The following BMERB1 variants were observed in gnomAD, a reference collection of about 807,000 sequenced individuals.
BMERB1 encodes the protein bMERB domain-containing protein 1.
Under a neutral mutation model 23.6 loss-of-function variants are expected in BMERB1, and 12 were observed. The ratio of observed to expected loss-of-function variants is 0.51; its 90% CI spans 0.33 to 0.82. BMERB1 has a LOEUF of 0.82. BMERB1 is among the 40% of genes least tolerant of loss of function. The pLI is 0.03. For synonymous variants in BMERB1, 122 were observed against 96.6 expected, an observed-to-expected ratio of 1.26 and a Z score of -1.54; for missense variants, 247 against 255.4, an observed-to-expected ratio of 0.97 and a Z score of 0.22.
At chr16:15,581,141 T>A in intron 3 of BMERB1, 76 bp from the exon 4 acceptor site, 1 of 1,083,510 alleles carries the variant, frequency 9.2e-7, no homozygotes, top group South Asian at 1.5e-5. Flanking sequence ...GGTCTGAAAC[T>A]CCTGACCTCA....
At chr16:15,548,654 G>A (rs2029994035) in intron 2 of BMERB1, among the ~76,000 whole-genome samples, 1 of 152,104 alleles carries the variant, frequency 6.6e-6, no homozygotes, top group Non-Finnish European at 1.5e-5. Context: ...CCTACTTTGG[G>A]GCATCCAACA....
chr16:15,515,500 C>T (rs1442912667), intron 2 of BMERB1, 72 bp downstream of exon 2: 38 of 1,542,386 alleles, frequency 2.5e-5, no homozygotes, highest in South Asian at 6.1e-5. Context: ...ATTTGTTGAT[C>T]GTCTACTGTG....
intron 1 of BMERB1, among the ~76,000 whole-genome samples, chr16:15,478,414 G>C (rs2051290800): frequency 6.6e-6 from 1 of 152,102 alleles, no homozygotes. Flanking sequence ...TCCCACCTCA[G>C]CCTCCCAAAG....
rs191096985 is a variant in BMERB1, at chr16:15,513,961, A to T, written c.107-1344A>T. On this transcript the variant is annotated intron_variant, in intron 1 of 5. Transcript: ENST00000300006. ...TATATATAAAAAACCACATATATTCATATATGTATATACACACACATATTT... is the reference window on the plus strand; with the variant it reads ...TATATATAAAAAACCACATATATTCTTATATGTATATACACACACATATTT... Among the ~76,000 whole-genome samples the T allele has an allele frequency of 3.9e-5, 6 of 152,260 alleles. No homozygotes were observed. The East Asian group carries it at 1.2e-3, about 29-fold the overall frequency.
intron 1 of BMERB1, among the ~76,000 whole-genome samples, chr16:15,441,988 C>T (rs925797779): frequency 6.6e-6 from 1 of 152,040 alleles, no homozygotes; most frequent in Non-Finnish European, 1.5e-5. Flanking sequence ...AAAGGTGTGA[C>T]AAGGGCCCCA....
intron 1 of BMERB1, among the ~76,000 whole-genome samples, chr16:15,493,407 AAG>A (rs2051441296): frequency 6.6e-6 from 1 of 152,196 alleles, no homozygotes; most frequent in African/African-American, 2.4e-5. Flanking sequence ...GGAATGGAAA[AAG>A]AACATTGGCG....
intron 1 of BMERB1, among the ~76,000 whole-genome samples, chr16:15,465,353 A>ATATAT (rs372237531): frequency 7.5e-5 from 10 of 133,424 alleles, no homozygotes; most frequent in South Asian, 2.3e-4. Context: ...TAAGATATAT[A>ATATAT]TTTTTTTTTT....
Position 15,587,598 on chromosome 16 carries a change from T to C in BMERB1, c.*769T>C, listed in dbSNP as rs2031183328. On this transcript the variant is annotated 3_prime_UTR_variant, in exon 6 of 6. Coordinates refer to ENST00000300006, the MANE Select transcript of BMERB1 (RefSeq NM_033201.3). ...AGCTCTGATGTCAAGGCCAGAGCAG[T>C]TGAGAATGGGACCCAGAGTAGATGC... is the stretch of plus-strand genomic sequence containing the variant. 1 of 447,302 alleles carries C rather than the reference T, an allele frequency of 2.2e-6. No homozygotes were observed. The highest frequency in any genetic ancestry group is 2.4e-5 in the Admixed American group (1 of 42,062). 27.7% of individuals were successfully genotyped at this position (447,302 alleles called of 1,614,324 possible).
At chr16:15,453,971 C>T (rs1174564277) in intron 1 of BMERB1, among the ~76,000 whole-genome samples, 1 of 152,066 alleles carries the variant, frequency 6.6e-6, no homozygotes, top group Non-Finnish European at 1.5e-5. Context: ...TTCCCCTTTC[C>T]TTCCTCTCCT....
At chr16:15,541,356 T>G (rs2052076968) in intron 2 of BMERB1, among the ~76,000 whole-genome samples, 1 of 151,500 alleles carries the variant, frequency 6.6e-6, no homozygotes, top group Admixed American at 6.6e-5. Context: ...GCTTTTATAA[T>G]TCAGTCGCCA....
At chr16:15,513,344 G>C (rs936341828) in intron 1 of BMERB1, among the ~76,000 whole-genome samples, 4 of 152,086 alleles carry the variant, frequency 2.6e-5, no homozygotes, top group African/African-American at 9.7e-5. Context: ...TCGTGATACA[G>C]CCACAAATAG....
chr16:15,444,119 C>CTTTTTTTTTTTTTTTTTTTT (rs1225982061), intron 1 of BMERB1, among the ~76,000 whole-genome samples: 1 of 24,462 alleles, frequency 4.1e-5, no homozygotes, highest in Non-Finnish European at 7.9e-5. Flanking sequence ...CAGGCACCAG[C>CTTTTTTTTTTTTTTTTTTTT]TTTGTTTTTT....
At chr16:15,448,494 C>A (rs370846041) in intron 1 of BMERB1, among the ~76,000 whole-genome samples, 2 of 152,072 alleles carry the variant, frequency 1.3e-5, no homozygotes, top group East Asian at 3.9e-4. Context: ...GAGGTCTTAA[C>A]CAGTTAAAAA....
At chr16:15,557,147 C>T (rs1044811200) in intron 2 of BMERB1, among the ~76,000 whole-genome samples, 4 of 152,122 alleles carry the variant, frequency 2.6e-5, no homozygotes, top group African/African-American at 4.8e-5. Flanking sequence ...CCGCACCCAA[C>T]GCTGATAAAA....
intron 1 of BMERB1, among the ~76,000 whole-genome samples, chr16:15,454,402 C>T (rs997877432): frequency 1.8e-4 from 28 of 152,322 alleles, no homozygotes; most frequent in Non-Finnish European, 3.8e-4. Flanking sequence ...CCTTTCCCCC[C>T]ATCCACTGGG....
chr16:15,584,842 A>G (rs1035710112), intron 5 of BMERB1, among the ~76,000 whole-genome samples: 12 of 152,174 alleles, frequency 7.9e-5, no homozygotes, highest in African/African-American at 2.7e-4. Flanking sequence ...ATCGAAATAC[A>G]TAAGTCTCAG....
chr16:15,447,718 G>T (rs2051001848), intron 1 of BMERB1, among the ~76,000 whole-genome samples: 1 of 152,050 alleles, frequency 6.6e-6, no homozygotes, highest in African/African-American at 2.4e-5. Flanking sequence ...AAGAATGGAG[G>T]TGACGATGAG....
chr16:15,448,144 C>T, intron 1 of BMERB1: 1 of 316,526 alleles, frequency 3.2e-6, no homozygotes, highest in Non-Finnish European at 6.2e-6. Flanking sequence ...CCTGCCTTGG[C>T]CTGCCAACGC....
rs1219562124 is a variant in BMERB1 at position 15,452,206 on chromosome 16, A to G, written c.106+17447A>G. On this transcript the variant is annotated intron_variant, in intron 1 of 5. Transcript: ENST00000300006. ...TGAGGCAGGAGGATTGCTTGAACCC[A>G]GGAGTTTGAGGTTACAGTGAGCCAT... is the stretch of plus-strand genomic sequence containing the variant. Among the ~76,000 whole-genome samples, 30 of 150,780 alleles carry G rather than the reference A, an allele frequency of 2.0e-4. No individual in the cohort carries two copies. The Admixed American group carries it at 2.0e-3, about 10-fold the overall frequency.
Sources: gnomAD v4.1 joint callset for allele counts (sites outside exome capture counted in the v4.1 genomes callset) on GRCh38, gnomAD v4.1.1 for gene constraint, MANE v1.5 for transcripts, NCBI Gene and HGNC (gene_info 2026-07-23, HGNC 2026-07-21) for gene names.